The following GRAP2 variants were observed in gnomAD, a reference collection of about 807,000 sequenced individuals.
GRAP2 encodes the protein GRB2 related adaptor protein 2, also known as GRB2-related adapter protein 2.
GRAP2 carries 31 observed loss-of-function variants against 43.5 expected under a neutral mutation model. The observed-to-expected ratio is 0.71, with a 90% CI of 0.54 to 0.96. The LOEUF (loss-of-function observed/expected upper bound fraction) is 0.96, where lower values mean the gene tolerates loss of function less well. GRAP2 is among the 40% of genes least tolerant of loss of function. The pLI is 0.00. For synonymous variants in GRAP2, 156 were observed against 164.8 expected, an observed-to-expected ratio of 0.95 and a Z score of 0.41; for missense variants, 371 against 424.4, an observed-to-expected ratio of 0.87 and a Z score of 1.11.
At chr22:39,909,936 A>G (rs565198563) in intron 1 of GRAP2, among the ~76,000 whole-genome samples, 20 of 152,356 alleles carry the variant, frequency 1.3e-4, no homozygotes, top group Non-Finnish European at 7.4e-5. Flanking sequence ...CAGAAGAGCC[A>G]TGTGAAGTTT....
chr22:39,927,162 T>G (rs1044877843), intron 1 of GRAP2, among the ~76,000 whole-genome samples: 3 of 152,212 alleles, frequency 2.0e-5, no homozygotes, highest in African/African-American at 7.2e-5. Context: ...TGATCACGTT[T>G]TAATTCTGCC....
Position 39,966,124 on chromosome 22 carries a change from A to C in GRAP2, c.425A>C (p.Gln142Pro). The change falls in exon 5 of 8, where the codon CAG (glutamine) becomes CCG (proline). Residue 142 changes from glutamine to proline, a missense_variant. Coordinates refer to ENST00000344138, the MANE Select transcript of GRAP2 (RefSeq NM_004810.4). ...ACAAATTCCATCTCCAGACAGAAGC[A>C]GATCTTCCTTAGAGACAGAACCCGA... is the stretch of plus-strand genomic sequence containing the variant. ...YRTNSISRQK[Q>P]IFLRDRTRED... The C allele has an allele frequency of 1.2e-6, 2 of 1,614,158 alleles. No homozygotes were observed. Among genetic ancestry groups the C allele is most frequent in the Non-Finnish European group, 1.7e-6 (2 of 1,179,976 alleles).
intron 1 of GRAP2, among the ~76,000 whole-genome samples, chr22:39,942,319 G>T (rs1466211124): frequency 6.6e-6 from 1 of 152,118 alleles, no homozygotes; most frequent in Non-Finnish European, 1.5e-5. Flanking sequence ...GGCTTTACCT[G>T]TCGAACAACA....
chr22:39,936,002 C>T (rs980480610), intron 1 of GRAP2, among the ~76,000 whole-genome samples: 19 of 151,914 alleles, frequency 1.3e-4, no homozygotes, highest in Non-Finnish European at 2.9e-5. Flanking sequence ...TCAGTAAAAA[C>T]AAACATTAAG....
At chr22:39,953,883 G>C (rs1351272584) in intron 2 of GRAP2, among the ~76,000 whole-genome samples, 1 of 152,188 alleles carries the variant, frequency 6.6e-6, no homozygotes, top group Non-Finnish European at 1.5e-5. Flanking sequence ...AAAGTGCTGG[G>C]ATTACAGGCA....
At chr22:39,930,762 C>G (rs1427251363) in intron 1 of GRAP2, among the ~76,000 whole-genome samples, 1 of 152,170 alleles carries the variant, frequency 6.6e-6, no homozygotes, top group Non-Finnish European at 1.5e-5. Context: ...TGCCCCCAGT[C>G]CAATCACTGA....
chr22:39,943,819 A>T (rs1379295203), intron 1 of GRAP2, among the ~76,000 whole-genome samples: 1 of 151,230 alleles, frequency 6.6e-6, no homozygotes. Context: ...TCCCGGGTTC[A>T]AGTGATTCTC....
chr22:39,910,867 C>A (rs1277542683), intron 1 of GRAP2, among the ~76,000 whole-genome samples: 1 of 152,136 alleles, frequency 6.6e-6, no homozygotes, highest in African/African-American at 2.4e-5. Context: ...CCCCTCCCTG[C>A]AGGTGAGTAC....
Position 39,955,743 on chromosome 22 carries a change from T to A in GRAP2, c.79-76T>A, listed in dbSNP as rs542097271. ...CCTCTAAGTCCAAAAGGGCCTTCTT[T>A]GCCTGGCAGCCCCTTTCTCTTGTTT... On this transcript the variant is annotated intron_variant, in intron 2 of 7. Transcript: ENST00000344138. 1,855 of 758,840 alleles carry A rather than the reference T, an allele frequency of 2.4e-3. 18 individuals carry two copies. In the African/African-American group the frequency reaches 0.027, roughly 11 times the overall value. The allele number at this position is 758,840 out of a possible 1,614,324, so 47.0% of individuals were successfully genotyped here.
intron 1 of GRAP2, among the ~76,000 whole-genome samples, chr22:39,916,016 C>CCCCATCCCTCTCAT (rs1354931028): frequency 3.9e-5 from 6 of 152,174 alleles, no homozygotes; most frequent in Non-Finnish European, 8.8e-5. Flanking sequence ...GCTTAAGCTC[C>CCCCATCCCTCTCAT]CCCATCCCTC....
chr22:39,943,759 C>T (rs1211702483), intron 1 of GRAP2, among the ~76,000 whole-genome samples: 2 of 147,014 alleles, frequency 1.4e-5, no homozygotes, highest in Non-Finnish European at 3.0e-5. Context: ...CTCACTCTGT[C>T]GCTAGACTGG....
intron 3 of GRAP2, 125 bp from the exon 4 acceptor site, chr22:39,959,930 C>T: frequency 1.3e-6 from 1 of 799,988 alleles, no homozygotes; most frequent in Middle Eastern, 2.4e-4. Flanking sequence ...AGCACCTGGT[C>T]TCTCTCTGCT....
At chr22:39,918,384 A>G (rs1384510282) in intron 1 of GRAP2, among the ~76,000 whole-genome samples, 5 of 152,146 alleles carry the variant, frequency 3.3e-5, no homozygotes, top group South Asian at 2.1e-4. Flanking sequence ...TTAGACGTCC[A>G]TATTGGGCCC....
At chr22:39,916,069 C>T (rs970961290) in intron 1 of GRAP2, among the ~76,000 whole-genome samples, 21 of 152,198 alleles carry the variant, frequency 1.4e-4, no homozygotes, top group African/African-American at 4.8e-4. Context: ...CAAGGGCTAA[C>T]CCCCAATCCA....
At chr22:39,927,641 C>A (rs2066717893) in intron 1 of GRAP2, among the ~76,000 whole-genome samples, 2 of 152,160 alleles carry the variant, frequency 1.3e-5, no homozygotes, top group African/African-American at 2.4e-5. Context: ...TTGGTCCATC[C>A]AGGCCCAATC....
At chr22:39,952,878 C>T (rs2067001891) in intron 2 of GRAP2, among the ~76,000 whole-genome samples, 1 of 152,140 alleles carries the variant, frequency 6.6e-6, no homozygotes, top group African/African-American at 2.4e-5. Context: ...TCATTTGATC[C>T]TCACATCAGC....
At chr22:39,968,326 C>A in intron 6 of GRAP2, 54 bp downstream of exon 6, 1 of 1,579,810 alleles carries the variant, frequency 6.3e-7, no homozygotes, top group African/African-American at 1.3e-5. Context: ...AACCTGCCTC[C>A]CCTCCAGGCC....
At chr22:39,908,841 T>TG (rs1238073178) in intron 1 of GRAP2, among the ~76,000 whole-genome samples, 1 of 152,196 alleles carries the variant, frequency 6.6e-6, no homozygotes, top group East Asian at 1.9e-4. Context: ...ATCAACTTGT[T>TG]GCAGACAGTA....
intron 7 of GRAP2, 135 bp from the exon 8 acceptor site, chr22:39,970,770 T>C (rs543092427): frequency 1.3e-6 from 1 of 788,540 alleles, no homozygotes; most frequent in African/African-American, 1.8e-5. Context: ...AAAAAGTTTT[T>C]TTAAGCTGCA....
Sources: allele counts gnomAD v4.1 joint callset (sites outside exome capture counted in the v4.1 genomes callset), GRCh38; gene constraint gnomAD v4.1.1; transcripts MANE v1.5; gene names NCBI Gene and HGNC (gene_info 2026-07-23, HGNC 2026-07-21).